Variants in ADARB2 observed in about 807,000 individuals in gnomAD.
ADARB2 encodes adenosine deaminase RNA specific B2 (inactive), also known as inactive double-stranded RNA-specific editase B2.
In ADARB2, 25 loss-of-function variants were observed where a neutral mutation model predicts 62.2. The observed-to-expected ratio is 0.40, with a 90% confidence interval of 0.29 to 0.56. ADARB2 has a LOEUF of 0.56. ADARB2 is among the 20% of genes least tolerant of loss of function. The pLI, the probability that ADARB2 is intolerant of heterozygous loss-of-function variation, is 0.43. For synonymous variants in ADARB2, 572 were observed against 500.8 expected, an observed-to-expected ratio of 1.14 and a Z score of -1.90; for missense variants, 1,071 against 1,077.4, an observed-to-expected ratio of 0.99 and a Z score of 0.08.
In ADARB2 at chr10:1,250,731, A is replaced by G. The variant is rs74728430; in HGVS notation, c.1193-8432T>C. Among the ~76,000 whole-genome samples the G allele has an allele frequency of 3.0e-3, 463 of 152,326 alleles. 1 individual carries two copies. Among genetic ancestry groups the G allele is most frequent in the African/African-American group, 0.011 (447 of 41,568 alleles). The stretch of plus-strand genomic sequence containing the variant: ...ATGTATTCTGTTATAGCAACACAAA[A>G]TGAACTAAGATAGTTATTTGTTTTT... On this transcript the variant is annotated intron_variant, in intron 4 of 9. Transcript: ENST00000381312.
intron 1 of ADARB2, among the ~76,000 whole-genome samples, chr10:1,639,549 T>A (rs185545343): frequency 1.4e-4 from 21 of 152,292 alleles, no homozygotes; most frequent in Middle Eastern, 3.4e-3. Context: ...CCCGTTCTTA[T>A]AAAACACAAA....
chr10:1,679,721 G>A (rs533255491), intron 1 of ADARB2, among the ~76,000 whole-genome samples: 4 of 152,228 alleles, frequency 2.6e-5, no homozygotes, highest in South Asian at 4.2e-4. Context: ...ACACACACGC[G>A]GCGTCTAAGC....
At chr10:1,267,325 C>A (rs1373665912) in intron 4 of ADARB2, among the ~76,000 whole-genome samples, 4 of 152,112 alleles carry the variant, frequency 2.6e-5, no homozygotes. Flanking sequence ...ACAAGCAAAT[C>A]AAGGAATTTT....
chr10:1,478,935 T>G lies in ADARB2; in HGVS notation c.101-99775A>C, dbSNP rs1015228399. Among the ~76,000 whole-genome samples, 275 of 151,960 alleles carry G rather than the reference T, an allele frequency of 1.8e-3. 2 individuals are homozygous for G. Among genetic ancestry groups the G allele is most frequent in the Non-Finnish European group, 5.1e-4 (35 of 67,992 alleles). The stretch of plus-strand genomic sequence containing the variant: ...GGGAGAGAACCAAGATGGGGACCCT[T>G]GGAGGAGGAGGGGCCTGCAAACAGA... On this transcript the variant is annotated intron_variant, in intron 1 of 9. Coordinates refer to ENST00000381312, the MANE Select transcript of ADARB2 (RefSeq NM_018702.4).
intron 3 of ADARB2, among the ~76,000 whole-genome samples, chr10:1,327,679 TCACTG>T: frequency 1.4e-5 from 1 of 71,594 alleles, no homozygotes. Flanking sequence ...CAGCGCCTCC[TCACTG>T]CACAGCGCCT....
chr10:1,241,986 C>G, intron 5 of ADARB2, 145 bp downstream of exon 5: 1 of 898,722 alleles, frequency 1.1e-6, no homozygotes, highest in Non-Finnish European at 1.6e-6. Flanking sequence ...TGTCTCTAGT[C>G]TGAATAAAAA....
intron 1 of ADARB2, among the ~76,000 whole-genome samples, chr10:1,486,173 T>G (rs958069809): frequency 1.3e-5 from 2 of 151,470 alleles, no homozygotes; most frequent in Non-Finnish European, 2.9e-5. Context: ...AAAAACACAA[T>G]GAAAATGTGT....
At chr10:1,366,608 G>C (rs142026937) in intron 2 of ADARB2, among the ~76,000 whole-genome samples, 25 of 152,320 alleles carry the variant, frequency 1.6e-4, no homozygotes, top group African/African-American at 5.3e-4. Flanking sequence ...GAGTTTATTA[G>C]TTGGTCGCAG....
At chr10:1,630,182 A>T (rs1833824774) in intron 1 of ADARB2, among the ~76,000 whole-genome samples, 1 of 152,222 alleles carries the variant, frequency 6.6e-6, no homozygotes, top group South Asian at 2.1e-4. Context: ...TTTAGCAAAC[A>T]TTCATGAAGG....
rs999655679 is a variant in ADARB2 at position 1,372,106 on chromosome 10, T to A, written c.187+6968A>T. 3.9e-5 allele frequency among the ~76,000 whole-genome samples: 6 copies of A among 152,332 alleles called. 1 individual carries two copies. Among genetic ancestry groups the A allele is most frequent in the African/African-American group, 1.4e-4 (6 of 41,554 alleles). ...ATGAATAAAGAAAATGTAGTACATA[T>A]ACACCATGGAATACCATGTATCCAT... On this transcript the variant is annotated intron_variant, in intron 2 of 9. Coordinates refer to ENST00000381312, the MANE Select transcript of ADARB2 (RefSeq NM_018702.4).
chr10:1,563,660 AG>A (rs1174041351), intron 1 of ADARB2, among the ~76,000 whole-genome samples: 4 of 151,876 alleles, frequency 2.6e-5, no homozygotes, highest in African/African-American at 7.2e-5. Flanking sequence ...TTTAAGTTTT[AG>A]GGTACATGTG....
intron 3 of ADARB2, among the ~76,000 whole-genome samples, chr10:1,331,548 T>C (rs1831927937): frequency 6.6e-6 from 1 of 152,154 alleles, no homozygotes; most frequent in South Asian, 2.1e-4. Flanking sequence ...AGGCAAATCA[T>C]AGAGACAGAA....
At position 1,482,429 on chromosome 10, in the gene ADARB2, A is replaced by T. The variant is rs554553049; in HGVS notation, c.101-103269T>A. 3.9e-5 allele frequency among the ~76,000 whole-genome samples: 6 copies of T among 152,332 alleles called. No homozygotes were observed. The South Asian group carries it at 1.2e-3, about 32-fold the overall frequency. On this transcript the variant is annotated intron_variant, in intron 1 of 9. Transcript: ENST00000381312. ...GGCTAAGTGAGATGAGCCGGCCATG[A>T]AAGGACAAATCCTGTGTGATTCCAC...
chr10:1,665,285 C>T (rs1383474201), intron 1 of ADARB2, among the ~76,000 whole-genome samples: 2 of 152,240 alleles, frequency 1.3e-5, no homozygotes, highest in East Asian at 1.9e-4. Flanking sequence ...AAAGCTTCAC[C>T]GCCGTTTCCA....
intron 1 of ADARB2, among the ~76,000 whole-genome samples, chr10:1,715,705 C>G (rs1375852577): frequency 1.3e-5 from 2 of 152,280 alleles, no homozygotes; most frequent in East Asian, 3.9e-4. Flanking sequence ...AAAACAAAAA[C>G]AAAAACAGGT....
chr10:1,620,235 A>G (rs2132026447), intron 1 of ADARB2, among the ~76,000 whole-genome samples: 1 of 152,292 alleles, frequency 6.6e-6, no homozygotes, highest in Middle Eastern at 3.4e-3. Flanking sequence ...TGACATATTT[A>G]GATTGACCGA....
At chr10:1,657,967 CTCTCTCTATCTCAG>C (rs61724511) in intron 1 of ADARB2, among the ~76,000 whole-genome samples, 35,773 of 149,344 alleles carry the variant, frequency 0.24, 4,583 homozygotes, top group Middle Eastern at 0.31. Flanking sequence ...CTGCCTCAGT[CTCTCTCTATCTCAG>C]TCTCTCTCTC....
chr10:1,677,195 G>A (rs1834476923), intron 1 of ADARB2, among the ~76,000 whole-genome samples: 1 of 152,198 alleles, frequency 6.6e-6, no homozygotes. Flanking sequence ...GTTTCCTTCC[G>A]AAGGCTCAAT....
chr10:1,533,922 G>C (rs1832285000), intron 1 of ADARB2, among the ~76,000 whole-genome samples: 1 of 151,468 alleles, frequency 6.6e-6, no homozygotes, highest in African/African-American at 2.4e-5. Context: ...AATCATTTAG[G>C]AATATTTTTG....
Sources: allele counts gnomAD v4.1 joint callset (sites outside exome capture counted in the v4.1 genomes callset), GRCh38; gene constraint gnomAD v4.1.1; transcripts MANE v1.5; gene names NCBI Gene and HGNC (gene_info 2026-07-23, HGNC 2026-07-21).